Variants in SORBS2 observed in about 807,000 individuals in gnomAD.
SORBS2 encodes sorbin and SH3 domain containing 2, also known as sorbin and SH3 domain-containing protein 2.
In SORBS2, 46 loss-of-function variants were observed where a neutral mutation model predicts 97.7. The ratio of observed to expected loss-of-function variants is 0.47; its 90% CI spans 0.37 to 0.60. The LOEUF is 0.60. Among genes scored for constraint, SORBS2 ranks in the 20% least tolerant of loss-of-function variants. The pLI is 0.00. For synonymous variants in SORBS2, 476 were observed against 473.4 expected (o/e 1.01, Z -0.07); for missense variants, 1,316 against 1,282.3 (o/e 1.03, Z -0.40).
At chr4:185,776,204 G>A (rs1422890455) in intron 1 of SORBS2, among the ~76,000 whole-genome samples, 1 of 152,230 alleles carries the variant, frequency 6.6e-6, no homozygotes, top group Non-Finnish European at 1.5e-5. Context: ...AGAATGAAGT[G>A]TCCTTGCCTT....
chr4:185,655,231 T>G (rs1162706007), intron 1 of SORBS2, among the ~76,000 whole-genome samples: 5 of 152,120 alleles, frequency 3.3e-5, no homozygotes, highest in Admixed American at 6.5e-5. Flanking sequence ...CTTTCTAGAG[T>G]TTCTGGATGA....
chr4:185,629,227 T>C (rs1042593218), intron 5 of SORBS2, among the ~76,000 whole-genome samples: 4 of 152,164 alleles, frequency 2.6e-5, no homozygotes, highest in African/African-American at 9.7e-5. Context: ...AGACCTGTTT[T>C]TGCTGGGACT....
chr4:185,936,452 G>A (rs941021401), intron 1 of SORBS2, among the ~76,000 whole-genome samples: 1 of 152,134 alleles, frequency 6.6e-6, no homozygotes, highest in African/African-American at 2.4e-5. Context: ...AGTACGTATG[G>A]GAACTCACAA....
chr4:185,953,034 GC>G (rs1289030610), intron 1 of SORBS2, among the ~76,000 whole-genome samples: 1 of 152,212 alleles, frequency 6.6e-6, no homozygotes, highest in Non-Finnish European at 1.5e-5. Flanking sequence ...TGTTTCCCAG[GC>G]CGGGCGCGGT....
intron 2 of SORBS2, among the ~76,000 whole-genome samples, chr4:185,687,664 T>C (rs901785392): frequency 2.6e-5 from 4 of 152,132 alleles, no homozygotes; most frequent in Non-Finnish European, 5.9e-5. Context: ...AACAAGAAAG[T>C]TTGGGAATCC....
At chr4:185,936,878 C>T (rs1477421803) in intron 1 of SORBS2, among the ~76,000 whole-genome samples, 1 of 152,178 alleles carries the variant, frequency 6.6e-6, no homozygotes, top group African/African-American at 2.4e-5. Context: ...CAGCATGGCA[C>T]GGGCTGTCAG....
chr4:185,663,877 T>G (rs561924783), intron 4 of SORBS2, among the ~76,000 whole-genome samples: 1 of 120,832 alleles, frequency 8.3e-6, no homozygotes, highest in Non-Finnish European at 1.7e-5. Flanking sequence ...TTTTTTGAGA[T>G]GGAGTCTCGC....
At chr4:185,893,151 T>C (rs1341306488) in intron 1 of SORBS2, among the ~76,000 whole-genome samples, 1 of 152,134 alleles carries the variant, frequency 6.6e-6, no homozygotes, top group Non-Finnish European at 1.5e-5. Context: ...GGGAAGGCAC[T>C]GGGGTTGCTA....
intron 2 of SORBS2, among the ~76,000 whole-genome samples, chr4:185,721,081 A>ATTATTTT (rs2098509431): frequency 2.9e-5 from 2 of 69,624 alleles, no homozygotes; most frequent in South Asian, 4.7e-4. Context: ...TTTCCCACCT[A>ATTATTTT]TTCTTTTTTT....
In SORBS2 at chr4:185,648,980, A is replaced by G. The variant is rs1458709546; in HGVS notation, c.281+487T>C. On this transcript the variant is annotated intron_variant, in intron 3 of 14. Transcript: ENST00000418609. ...TTTCATGTAGATAGTTTGTATAAAAATATTTCAGTGGAGAAAGGAAAACTC... is the reference window on the plus strand; with the variant it reads ...TTTCATGTAGATAGTTTGTATAAAAGTATTTCAGTGGAGAAAGGAAAACTC... Among the ~76,000 whole-genome samples, 3 of 152,228 alleles carry G rather than the reference A, an allele frequency of 2.0e-5. No individual in the cohort carries two copies. In the East Asian group the frequency reaches 5.8e-4, roughly 29 times the overall value.
chr4:185,729,393 C>T (rs552879677), intron 2 of SORBS2, among the ~76,000 whole-genome samples: 2 of 152,316 alleles, frequency 1.3e-5, no homozygotes, highest in South Asian at 2.1e-4. Flanking sequence ...GGTTTCCATC[C>T]GTATTTCCAT....
intron 1 of SORBS2, among the ~76,000 whole-genome samples, chr4:185,794,019 G>C (rs2099093708): frequency 6.6e-6 from 1 of 152,068 alleles, no homozygotes; most frequent in South Asian, 2.1e-4. Flanking sequence ...CCCTGCCTTT[G>C]ACAAGGCACA....
At chr4:185,673,330 C>T (rs930605223) in intron 4 of SORBS2, among the ~76,000 whole-genome samples, 6 of 152,074 alleles carry the variant, frequency 3.9e-5, no homozygotes, top group Admixed American at 1.3e-4. Flanking sequence ...AATGTTCTTA[C>T]CAAAATTTTA....
At chr4:185,926,352 G>C (rs1372701141) in intron 1 of SORBS2, among the ~76,000 whole-genome samples, 2 of 152,138 alleles carry the variant, frequency 1.3e-5, no homozygotes, top group African/African-American at 2.4e-5. Context: ...GCTGAGTCCT[G>C]GAGGCGGTGC....
intron 1 of SORBS2, among the ~76,000 whole-genome samples, chr4:185,845,481 A>G (rs956454994): frequency 2.6e-5 from 4 of 152,232 alleles, no homozygotes; most frequent in African/African-American, 9.6e-5. Context: ...GAAGAAAACA[A>G]AGGAGAAAGT....
chr4:185,856,945 G>A (rs1364959088), intron 1 of SORBS2, among the ~76,000 whole-genome samples: 3 of 152,152 alleles, frequency 2.0e-5, no homozygotes, highest in Admixed American at 6.5e-5. Flanking sequence ...TCACTATCAT[G>A]AGAAAAGCTT....
At chr4:185,928,915 G>C (rs2149956410) in intron 1 of SORBS2, among the ~76,000 whole-genome samples, 1 of 152,304 alleles carries the variant, frequency 6.6e-6, no homozygotes, top group East Asian at 1.9e-4. Context: ...ATGCTAGGAA[G>C]TCATGGGCAC....
chr4:185,923,491 A>C (rs2099262017), intron 1 of SORBS2, among the ~76,000 whole-genome samples: 1 of 23,060 alleles, frequency 4.3e-5, no homozygotes, highest in African/African-American at 1.5e-4. Flanking sequence ...TTTTGTAGAG[A>C]CAGGACTTTG....
intron 1 of SORBS2, among the ~76,000 whole-genome samples, chr4:185,788,958 A>T (rs1413224266): frequency 6.6e-6 from 1 of 152,238 alleles, no homozygotes; most frequent in Admixed American, 6.5e-5. Flanking sequence ...TATTTTCGGT[A>T]ACCACAAGGG....
Sources: gnomAD v4.1 joint callset for allele counts (sites outside exome capture counted in the v4.1 genomes callset) on GRCh38, gnomAD v4.1.1 for gene constraint, MANE v1.5 for transcripts, NCBI Gene and HGNC (gene_info 2026-07-23, HGNC 2026-07-21) for gene names.